Variants in ATRNL1 observed in about 807,000 individuals in gnomAD.
ATRNL1 encodes attractin-like protein 1.
ATRNL1 carries 95 observed loss-of-function variants against 182.7 expected under a neutral mutation model. The observed-to-expected ratio is 0.52, with a 90% CI of 0.44 to 0.62. ATRNL1 has a LOEUF of 0.62. Among genes scored for constraint, ATRNL1 ranks in the 20% least tolerant of loss-of-function variants. ATRNL1 has a pLI of 0.00. For synonymous variants in ATRNL1, 576 were observed against 568.3 expected (o/e 1.01, Z -0.19); for missense variants, 1,471 against 1,679.5 (o/e 0.88, Z 2.17).
intron 28 of ATRNL1, among the ~76,000 whole-genome samples, chr10:115,916,056 T>C (rs1255568907): frequency 6.6e-6 from 1 of 152,240 alleles, no homozygotes; most frequent in Non-Finnish European, 1.5e-5. Context: ...CAAAGCATCA[T>C]TTAAAGTATA....
At chr10:115,214,416 C>CCTAA (rs754001837) in intron 8 of ATRNL1, among the ~76,000 whole-genome samples, 3 of 151,714 alleles carry the variant, frequency 2.0e-5, no homozygotes, top group Non-Finnish European at 2.9e-5. Context: ...AAATGTAATG[C>CCTAA]CTGTTAGTTA....
chr10:115,670,130 A>G (rs942284535), intron 26 of ATRNL1, among the ~76,000 whole-genome samples: 2 of 152,090 alleles, frequency 1.3e-5, no homozygotes, highest in South Asian at 2.1e-4. Context: ...AACACTGTAC[A>G]TGTTAATGTC....
intron 27 of ATRNL1, among the ~76,000 whole-genome samples, chr10:115,755,586 G>C (rs1387259757): frequency 6.6e-6 from 1 of 152,150 alleles, no homozygotes; most frequent in Non-Finnish European, 1.5e-5. Flanking sequence ...TTTTACTGAG[G>C]ATTTTTGCAT....
chr10:115,243,596 T>A (rs1850511993), intron 10 of ATRNL1, among the ~76,000 whole-genome samples: 2 of 152,082 alleles, frequency 1.3e-5, no homozygotes, highest in Admixed American at 1.3e-4. Context: ...GTCTTTCTAT[T>A]TGACTACATC....
intron 8 of ATRNL1, among the ~76,000 whole-genome samples, chr10:115,183,436 A>G (rs1156330491): frequency 6.6e-6 from 1 of 151,506 alleles, no homozygotes; most frequent in Non-Finnish European, 1.5e-5. Flanking sequence ...TTTTTTGAAA[A>G]AAACAGAGAA....
At chr10:115,672,990 C>T (rs1945747057) in intron 26 of ATRNL1, among the ~76,000 whole-genome samples, 1 of 152,070 alleles carries the variant, frequency 6.6e-6, no homozygotes, top group South Asian at 2.1e-4. Context: ...TTATTCCACT[C>T]CCATATCCAA....
chr10:115,559,443 T>TGCGCGC (rs71476112), intron 26 of ATRNL1, among the ~76,000 whole-genome samples: 2,832 of 77,768 alleles, frequency 0.036, 38 homozygotes, highest in East Asian at 0.085. Flanking sequence ...TGTGTGTGTG[T>TGCGCGC]GCGCGCGCGC....
intron 28 of ATRNL1, among the ~76,000 whole-genome samples, chr10:115,930,583 A>C (rs1351260865): frequency 1.3e-5 from 2 of 152,188 alleles, no homozygotes; most frequent in Admixed American, 6.5e-5. Flanking sequence ...CAACTGGGTC[A>C]ATTTTGGTCA....
chr10:115,442,283 C>A (rs916445994), intron 21 of ATRNL1, among the ~76,000 whole-genome samples: 6 of 119,866 alleles, frequency 5.0e-5, no homozygotes, highest in Admixed American at 4.8e-4. Context: ...CTCTCTCTCT[C>A]TCTCTCTCTC....
At chr10:115,236,278 T>A (rs1484663911) in intron 9 of ATRNL1, among the ~76,000 whole-genome samples, 2 of 152,200 alleles carry the variant, frequency 1.3e-5, no homozygotes, top group African/African-American at 2.4e-5. Context: ...TCTATATCCA[T>A]TTATAGATCT....
chr10:115,195,685 A>G (rs12256200), intron 8 of ATRNL1, among the ~76,000 whole-genome samples: 3,777 of 152,146 alleles, frequency 0.025, 157 homozygotes, highest in African/African-American at 0.086. Flanking sequence ...GAAAGTTCTC[A>G]GTTATTATTT....
chr10:115,266,898 A>G lies in ATRNL1; in HGVS notation c.1874A>G (p.Lys625Arg). 6.2e-7 allele frequency: 1 copy of G among 1,612,504 alleles called. No individual in the cohort carries two copies. Among genetic ancestry groups the G allele is most frequent in the South Asian group, 1.1e-5 (1 of 91,040 alleles). Residue 625 changes from lysine (K) to arginine (R), a missense_variant, in exon 12 of 29, where the codon AAA (lysine) becomes AGA (arginine). Transcript: ENST00000355044. ...CKAFRDEELC[K>R]NAGPGIKCVW... Reference sequence around the variant, plus strand: ...GCTTTCAGAGATGAAGAACTTTGTAAAAATGCTGGTCCAGGGATAAAATGT... The same window carrying G: ...GCTTTCAGAGATGAAGAACTTTGTAGAAATGCTGGTCCAGGGATAAAATGT...
intron 24 of ATRNL1, among the ~76,000 whole-genome samples, chr10:115,489,107 G>A (rs797027236): frequency 2.0e-5 from 3 of 152,046 alleles, no homozygotes; most frequent in South Asian, 4.1e-4. Context: ...TATGATTTCC[G>A]TTCTTTTGCA....
intron 26 of ATRNL1, among the ~76,000 whole-genome samples, chr10:115,698,025 CTT>C: frequency 6.6e-6 from 1 of 152,262 alleles, no homozygotes; most frequent in African/African-American, 2.4e-5. Flanking sequence ...GATTTATGCT[CTT>C]TGTCACATTA....
At chr10:115,565,169 A>C (rs1385547209) in intron 26 of ATRNL1, among the ~76,000 whole-genome samples, 1 of 152,030 alleles carries the variant, frequency 6.6e-6, no homozygotes, top group Non-Finnish European at 1.5e-5. Flanking sequence ...AGTACCTCTC[A>C]AAAACTACAT....
At chr10:115,691,941 G>A (rs2804153) in intron 26 of ATRNL1, among the ~76,000 whole-genome samples, 22,531 of 151,656 alleles carry the variant, frequency 0.15, 2,206 homozygotes, top group East Asian at 0.24. Context: ...TGTTTCCTTC[G>A]CTTTGCAGAA....
chr10:115,596,757 C>T (rs1555014105), intron 26 of ATRNL1, among the ~76,000 whole-genome samples: 2 of 151,992 alleles, frequency 1.3e-5, no homozygotes, highest in Non-Finnish European at 2.9e-5. Flanking sequence ...TTTGTTAAGC[C>T]TTAAGGTAAT....
In ATRNL1 at chr10:115,135,078, C is replaced by G. The variant is rs1358694902; in HGVS notation, c.829+5543C>G. Among the ~76,000 whole-genome samples, 144 of 152,128 alleles carry G rather than the reference C, an allele frequency of 9.5e-4. 1 individual carries two copies. The South Asian group carries it at 0.019, about 20-fold the overall frequency. ...TTTATGACAAACCCACAGCCAATAT[C>G]ATACCGAATGGGCAAAAACTGGAAG... On this transcript the variant is annotated intron_variant, in intron 5 of 28. Coordinates refer to ENST00000355044, the MANE Select transcript of ATRNL1 (RefSeq NM_207303.4).
intron 26 of ATRNL1, among the ~76,000 whole-genome samples, chr10:115,610,978 T>C (rs1857123243): frequency 6.6e-6 from 1 of 151,908 alleles, no homozygotes. Context: ...ATTTTAAACA[T>C]GTACATGATA....
Sources: gnomAD v4.1 joint callset for allele counts (sites outside exome capture counted in the v4.1 genomes callset) on GRCh38, gnomAD v4.1.1 for gene constraint, MANE v1.5 for transcripts, NCBI Gene and HGNC (gene_info 2026-07-23, HGNC 2026-07-21) for gene names.